The following SCD5 variants were observed in gnomAD, a reference collection of about 807,000 sequenced individuals.
The protein encoded by SCD5 is acyl-CoA-desaturase 4.
A neutral mutation model predicts 30.4 loss-of-function variants in SCD5; 20 were observed. The observed-to-expected ratio is 0.66, with a 90% CI of 0.46 to 0.96. The LOEUF is 0.96. Ranked by LOEUF, SCD5 falls within the 40% of genes least tolerant of loss-of-function variation. SCD5 has a pLI of 0.00. For synonymous variants in SCD5, 173 were observed against 176.4 expected (o/e 0.98, Z 0.16); for missense variants, 381 against 443.3 (o/e 0.86, Z 1.26).
intron 2 of SCD5, among the ~76,000 whole-genome samples, chr4:82,701,561 C>T (rs1237963854): frequency 6.6e-6 from 1 of 151,960 alleles, no homozygotes; most frequent in African/African-American, 2.4e-5. Flanking sequence ...TGTAGGACAG[C>T]ACATAAGAAT....
At chr4:82,747,307 T>C (rs959932742) in intron 1 of SCD5, among the ~76,000 whole-genome samples, 8 of 152,314 alleles carry the variant, frequency 5.3e-5, no homozygotes, top group South Asian at 4.1e-4. Context: ...GAAATGCAAA[T>C]GAGGAAACTG....
intron 1 of SCD5, among the ~76,000 whole-genome samples, chr4:82,738,355 G>C (rs1038806410): frequency 2.6e-5 from 4 of 152,234 alleles, no homozygotes; most frequent in African/African-American, 9.6e-5. Flanking sequence ...CCAGGAGGCA[G>C]ACGTTGCAGT....
chr4:82,660,822 G>T, intron 3 of SCD5: 1 of 1,611,972 alleles, frequency 6.2e-7, no homozygotes, highest in South Asian at 1.1e-5. Context: ...GTCCCCGTCT[G>T]TTATTCTATA....
chr4:82,775,856 G>GA (rs10718061), intron 1 of SCD5: 70 of 144,190 alleles, frequency 4.9e-4, no homozygotes, highest in Middle Eastern at 3.5e-3. Context: ...CTGTCAAAAA[G>GA]AAAAAAAAAA....
At chr4:82,741,415 G>A (rs1485508506) in intron 1 of SCD5, among the ~76,000 whole-genome samples, 1 of 152,128 alleles carries the variant, frequency 6.6e-6, no homozygotes, top group Non-Finnish European at 1.5e-5. Flanking sequence ...TCACCTACCA[G>A]GGAATGAGAA....
At chr4:82,699,501 C>G (rs1312295831) in intron 2 of SCD5, among the ~76,000 whole-genome samples, 3 of 151,468 alleles carry the variant, frequency 2.0e-5, no homozygotes, top group Admixed American at 6.6e-5. Context: ...TCTCATGTCT[C>G]AGCCTCCCAA....
At chr4:82,770,327 A>G (rs1721593333) in intron 1 of SCD5, among the ~76,000 whole-genome samples, 1 of 152,026 alleles carries the variant, frequency 6.6e-6, no homozygotes, top group Non-Finnish European at 1.5e-5. Flanking sequence ...ATTTTCCCCC[A>G]TGTATTTTTC....
At chr4:82,731,406 G>A (rs1189057980) in intron 1 of SCD5, among the ~76,000 whole-genome samples, 1 of 152,190 alleles carries the variant, frequency 6.6e-6, no homozygotes, top group Admixed American at 6.5e-5. Flanking sequence ...CTACTCCAAG[G>A]GTAACTTTCT....
intron 1 of SCD5, among the ~76,000 whole-genome samples, chr4:82,752,535 C>T (rs1056802124): frequency 6.6e-6 from 1 of 152,120 alleles, no homozygotes; most frequent in Non-Finnish European, 1.5e-5. Context: ...CTGCTTAGCA[C>T]CAGAAAGAGA....
At chr4:82,768,245 C>T (rs981180683) in intron 1 of SCD5, among the ~76,000 whole-genome samples, 1 of 152,170 alleles carries the variant, frequency 6.6e-6, no homozygotes, top group African/African-American at 2.4e-5. Context: ...TATTAAGGGA[C>T]ATTTGCTGGC....
intron 1 of SCD5, among the ~76,000 whole-genome samples, chr4:82,732,130 T>C (rs575456519): frequency 1.3e-5 from 2 of 152,288 alleles, no homozygotes; most frequent in South Asian, 4.2e-4. Context: ...AGACGGAGTC[T>C]TGCTCTGTCA....
chr4:82,766,130 A>G (rs1721479627), intron 1 of SCD5, among the ~76,000 whole-genome samples: 1 of 152,174 alleles, frequency 6.6e-6, no homozygotes, highest in Admixed American at 6.5e-5. Context: ...GAATAAGTGG[A>G]ATTTTTTAAA....
intron 1 of SCD5, among the ~76,000 whole-genome samples, chr4:82,762,176 G>A: frequency 7.7e-6 from 1 of 130,400 alleles, no homozygotes; most frequent in African/African-American, 2.8e-5. Flanking sequence ...TGTCTCAAAA[G>A]AAGAGGAGAG....
At chr4:82,688,075 A>G (rs6829742) in intron 2 of SCD5, among the ~76,000 whole-genome samples, 141,927 of 152,226 alleles carry the variant, frequency 0.93, 66,230 homozygotes, top group East Asian at 1. Flanking sequence ...TGGTTTTGCT[A>G]TCCCTTAATT....
chr4:82,767,645 A>G (rs893003021), intron 1 of SCD5, among the ~76,000 whole-genome samples: 6 of 152,224 alleles, frequency 3.9e-5, no homozygotes, highest in African/African-American at 1.4e-4. Context: ...TTGTCTCCAG[A>G]GAATTTTGCT....
chr4:82,747,477 A>G (rs17354078), intron 1 of SCD5, among the ~76,000 whole-genome samples: 16,556 of 152,294 alleles, frequency 0.11, 1,156 homozygotes, highest in Non-Finnish European at 0.16. Context: ...CAGCTCTACC[A>G]CATATTAACT....
chr4:82,658,630 C>T (rs1425734093), intron 3 of SCD5, among the ~76,000 whole-genome samples: 118 of 116,916 alleles, frequency 1.0e-3, no homozygotes, highest in African/African-American at 1.3e-3. Context: ...CCACACCTGG[C>T]TTTTTTTTTT....
chr4:82,670,819 G>T (rs1010435496), intron 3 of SCD5, among the ~76,000 whole-genome samples: 1 of 151,186 alleles, frequency 6.6e-6, no homozygotes, highest in Admixed American at 6.6e-5. Context: ...AATTGATATG[G>T]CAAACATCAA....
rs3846348 is a variant in SCD5 at position 82,635,401 on chromosome 4, T to G, written c.802+1190A>C. 4.0e-3 allele frequency among the ~76,000 whole-genome samples: 602 copies of G among 151,752 alleles called. 9 individuals are homozygous for G. The highest frequency in any genetic ancestry group is 0.014 in the African/African-American group (575 of 41,354). On this transcript the variant is annotated intron_variant, in intron 4 of 4. Coordinates refer to ENST00000319540, the MANE Select transcript of SCD5 (RefSeq NM_001037582.3). ...TTGGGAGGCCGAGGCAGGCGGATCA[T>G]GAGGTCAGGAGATCGAAACCATCCT... is the stretch of plus-strand genomic sequence containing the variant.
Sources: gnomAD v4.1 joint callset for allele counts (sites outside exome capture counted in the v4.1 genomes callset) on GRCh38, gnomAD v4.1.1 for gene constraint, MANE v1.5 for transcripts, NCBI Gene and HGNC (gene_info 2026-07-23, HGNC 2026-07-21) for gene names.